The following RPH3AL variants were observed in gnomAD, a reference collection of about 807,000 sequenced individuals.
RPH3AL encodes the protein rabphilin 3A like (without C2 domains), also known as rab effector Noc2.
RPH3AL carries 38 observed loss-of-function variants against 43.1 expected under a neutral mutation model. The ratio of observed to expected loss-of-function variants is 0.88; its 90% CI spans 0.68 to 1.15. RPH3AL has a LOEUF of 1.15. Ranked by LOEUF, RPH3AL falls within the 50% of genes most tolerant of loss-of-function variation. The probability of loss-of-function intolerance (pLI) is 0.00; values close to 1 mark genes in which losing one functional copy is unlikely to be tolerated. For synonymous variants in RPH3AL, 189 were observed against 176.3 expected (o/e 1.07, Z -0.57); for missense variants, 462 against 423.2 (o/e 1.09, Z -0.81).
At chr17:305,674 C>T (rs1308544223) in intron 5 of RPH3AL, among the ~76,000 whole-genome samples, 1 of 152,102 alleles carries the variant, frequency 6.6e-6, no homozygotes, top group African/African-American at 2.4e-5. Flanking sequence ...AAGACAGCTT[C>T]CCGGCCACTC....
At chr17:222,319 C>T (rs1041804535) in intron 7 of RPH3AL, among the ~76,000 whole-genome samples, 17 of 152,360 alleles carry the variant, frequency 1.1e-4, no homozygotes, top group Middle Eastern at 3.4e-3. Flanking sequence ...AGGCTGGCTC[C>T]GTGGCTCCTG....
rs1287029736 is a variant in RPH3AL, at chr17:215,084, T to C, written c.876+570A>G. The stretch of plus-strand genomic sequence containing the variant: ...CAGCTGCTGCCCTGGTGCATGCGTG[T>C]ACCCATGAATCCTCTGGCCAGGGAG... On this transcript the variant is annotated intron_variant, in intron 9 of 9. Coordinates refer to ENST00000331302, the MANE Select transcript of RPH3AL (RefSeq NM_006987.4). This position sits in a 1 kb window ranked among gnomAD's most constrained non-coding sequence, Gnocchi z 4.1. 6.6e-6 allele frequency among the ~76,000 whole-genome samples: 1 copy of C among 152,182 alleles called. No individual in the cohort carries two copies. Among genetic ancestry groups the C allele is most frequent in the Non-Finnish European group, 1.5e-5 (1 of 68,024 alleles).
chr17:282,366 T>C (rs9891903), intron 5 of RPH3AL, among the ~76,000 whole-genome samples: 111,609 of 152,232 alleles, frequency 0.73, 42,826 homozygotes, highest in Non-Finnish European at 0.84. Flanking sequence ...ACGTAAACTT[T>C]GGGCCCACGT....
intron 3 of RPH3AL, among the ~76,000 whole-genome samples, chr17:324,350 A>T (rs1218168369): frequency 6.6e-6 from 1 of 152,138 alleles, no homozygotes; most frequent in Non-Finnish European, 1.5e-5. Context: ...CCAGGCCCTG[A>T]TGCCCGCCTG....
intron 7 of RPH3AL, among the ~76,000 whole-genome samples, chr17:241,490 C>A (rs969170215): frequency 6.6e-6 from 1 of 152,114 alleles, no homozygotes; most frequent in Admixed American, 6.6e-5. Context: ...TTTTACTCAG[C>A]CATGAAAATG....
At chr17:279,137 C>T (rs536616605) in intron 6 of RPH3AL, among the ~76,000 whole-genome samples, 18 of 152,224 alleles carry the variant, frequency 1.2e-4, no homozygotes, top group African/African-American at 2.6e-4. Context: ...ACATTTTAAA[C>T]GGCCTTTCTA....
intron 5 of RPH3AL, among the ~76,000 whole-genome samples, chr17:296,812 G>A (rs140789481): frequency 2.0e-5 from 3 of 152,364 alleles, no homozygotes; most frequent in African/African-American, 7.2e-5. Context: ...AGGGAGCCTG[G>A]GTTTTGAAAC....
At chr17:302,165 G>A (rs146251841) in intron 5 of RPH3AL, among the ~76,000 whole-genome samples, 1 of 152,256 alleles carries the variant, frequency 6.6e-6, no homozygotes, top group Admixed American at 6.5e-5. Flanking sequence ...TCTGCGGACT[G>A]CGAGGCTGCA....
intron 6 of RPH3AL, among the ~76,000 whole-genome samples, chr17:263,302 T>C (rs7220744): frequency 0.026 from 3,892 of 152,216 alleles, 170 homozygotes; most frequent in African/African-American, 0.089. Flanking sequence ...GAGCCGAAAG[T>C]AATAACACAA....
chr17:335,285 C>T (rs778748598), intron 1 of RPH3AL, among the ~76,000 whole-genome samples: 16 of 152,054 alleles, frequency 1.1e-4, no homozygotes, highest in South Asian at 4.1e-4. Flanking sequence ...GGGAAGGAGG[C>T]GGCGGACGGA....
chr17:257,643 T>C (rs1470954928), intron 6 of RPH3AL, among the ~76,000 whole-genome samples: 3 of 42,800 alleles, frequency 7.0e-5, no homozygotes, highest in Non-Finnish European at 8.7e-5. Flanking sequence ...CTACCCTACG[T>C]ACTTCCTATG....
chr17:280,117 A>G (rs2042744030), intron 6 of RPH3AL, among the ~76,000 whole-genome samples: 1 of 152,214 alleles, frequency 6.6e-6, no homozygotes, highest in Non-Finnish European at 1.5e-5. Context: ...ATCTCCATGG[A>G]TCATAAATTC....
intron 6 of RPH3AL, among the ~76,000 whole-genome samples, chr17:278,373 A>G (rs1418346685): frequency 6.6e-6 from 1 of 152,126 alleles, no homozygotes; most frequent in Non-Finnish European, 1.5e-5. Context: ...AGTCTCAGGT[A>G]TGTGTTTATT....
intron 5 of RPH3AL, among the ~76,000 whole-genome samples, chr17:307,610 C>T (rs1258947203): frequency 6.6e-6 from 1 of 152,226 alleles, no homozygotes; most frequent in Non-Finnish European, 1.5e-5. Flanking sequence ...CACACAGGAA[C>T]TGACCAGGGG....
At chr17:277,774 G>A (rs182051290) in intron 6 of RPH3AL, among the ~76,000 whole-genome samples, 2 of 152,076 alleles carry the variant, frequency 1.3e-5, no homozygotes, top group Admixed American at 1.3e-4. Context: ...TGGGCAACAT[G>A]GCAAAACCCC....
rs758928019 is a variant in RPH3AL, at chr17:344,177, A to G, written c.-213+8535T>C. On this transcript the variant is annotated intron_variant, in intron 1 of 9. Transcript: ENST00000331302. ...ATCATTTTTACCATCATGATCACCA[A>G]CACCACTATAATCACCCTCATCATC... Among the ~76,000 whole-genome samples the G allele has an allele frequency of 3.1e-5, 4 of 130,558 alleles. 1 individual carries two copies. The South Asian group carries it at 7.7e-4, about 25-fold the overall frequency. 85.7% of individuals were successfully genotyped at this position (130,558 alleles called of 152,430 possible). A position where few individuals can be genotyped will look rare whatever the true frequency, so the allele number is the denominator to read the frequency against.
chr17:266,191 T>G (rs1352719811), intron 6 of RPH3AL, among the ~76,000 whole-genome samples: 2 of 151,390 alleles, frequency 1.3e-5, no homozygotes, highest in Admixed American at 6.6e-5. Context: ...GATGACACTT[T>G]AAGGCCCCAG....
chr17:253,117 C>T (rs1250424428), intron 6 of RPH3AL, among the ~76,000 whole-genome samples: 7 of 152,142 alleles, frequency 4.6e-5, no homozygotes, highest in Non-Finnish European at 1.0e-4. Context: ...CCCAGGGAAC[C>T]ACGGTGGGCT....
At chr17:258,958 C>T (rs563102091) in intron 6 of RPH3AL, among the ~76,000 whole-genome samples, 5 of 152,112 alleles carry the variant, frequency 3.3e-5, no homozygotes, top group South Asian at 4.2e-4. Flanking sequence ...CAAAAAAGCC[C>T]GTCAACTTCA....
Sources: allele counts gnomAD v4.1 joint callset (sites outside exome capture counted in the v4.1 genomes callset), GRCh38; gene constraint gnomAD v4.1.1; non-coding constraint Gnocchi (gnomAD v3.1); transcripts MANE v1.5; gene names NCBI Gene and HGNC (gene_info 2026-07-23, HGNC 2026-07-21).